ST3GAL3: variants seen among roughly 807,000 people sequenced by gnomAD.
ST3GAL3 encodes CMP-N-acetylneuraminate-beta-1,4-galactoside alpha-2,3-sialyltransferase.
In ST3GAL3, 21 loss-of-function variants were observed where a neutral mutation model predicts 50.1. The ratio of observed to expected loss-of-function variants is 0.42; its 90% CI spans 0.30 to 0.60. ST3GAL3 has a LOEUF of 0.60. ST3GAL3 is among the 20% of genes least tolerant of loss of function. ST3GAL3 has a pLI of 0.19. For missense variants in ST3GAL3, 353 were observed against 489.4 expected (o/e 0.72, Z 2.63); for synonymous variants, 183 against 190.0 (o/e 0.96, Z 0.30).
chr1:43,878,405 T>C (rs1191889977), intron 5 of ST3GAL3, among the ~76,000 whole-genome samples: 1 of 152,220 alleles, frequency 6.6e-6, no homozygotes, highest in South Asian at 2.1e-4. Context: ...AAAGAAAATA[T>C]GGCAAGGTGA....
chr1:43,859,604 A>G (rs2069388964), intron 5 of ST3GAL3, among the ~76,000 whole-genome samples: 1 of 152,056 alleles, frequency 6.6e-6, no homozygotes, highest in Non-Finnish European at 1.5e-5. Context: ...ACAAAATGAC[A>G]CCTTTGGCTT....
chr1:43,816,379 G>T (rs1573504609), intron 4 of ST3GAL3, among the ~76,000 whole-genome samples: 2 of 152,198 alleles, frequency 1.3e-5, no homozygotes, highest in Admixed American at 1.3e-4. Context: ...GAAGGAAAAA[G>T]TGTGTGTTCT....
At chr1:43,715,802 C>G (rs1667101368) in intron 1 of ST3GAL3, among the ~76,000 whole-genome samples, 1 of 152,120 alleles carries the variant, frequency 6.6e-6, no homozygotes, top group Non-Finnish European at 1.5e-5. Flanking sequence ...ATCACAATAA[C>G]CCACAAGCAT....
chr1:43,775,364 G>A (rs1265119633), intron 2 of ST3GAL3, among the ~76,000 whole-genome samples: 1 of 151,766 alleles, frequency 6.6e-6, no homozygotes, highest in Non-Finnish European at 1.5e-5. Flanking sequence ...CTCCAGAATA[G>A]CTGGGATTAC....
Position 43,899,860 on chromosome 1 carries a change from A to C in ST3GAL3, c.744+133A>C. The C allele has an allele frequency of 5.5e-6, 5 of 912,324 alleles. No individual in the cohort carries two copies. The highest frequency in any genetic ancestry group is 7.0e-6 in the Non-Finnish European group (4 of 574,720). The allele number at this position is 912,324 out of a possible 1,614,324, so 56.5% of individuals were successfully genotyped here. ...GAAACATTAATGACCCAAAGCCGAA[A>C]TCACCCAATGGCAACCAGGGGGCAA... On this transcript the variant is annotated intron_variant, in intron 9 of 11. Transcript: ENST00000347631. The surrounding 1 kb of genome is among the most constrained non-coding windows in gnomAD (Gnocchi z 5.4).
chr1:43,859,044 G>A (rs1208072729), intron 5 of ST3GAL3, among the ~76,000 whole-genome samples: 1 of 152,228 alleles, frequency 6.6e-6, no homozygotes. Context: ...TGGGCTGGAA[G>A]AAAACAAATT....
intron 9 of ST3GAL3, among the ~76,000 whole-genome samples, chr1:43,904,893 TCCTCCCC>T: frequency 1.8e-5 from 1 of 55,878 alleles, no homozygotes; most frequent in Non-Finnish European, 3.3e-5. Flanking sequence ...CCGCCACTCT[TCCTCCCC>T]CTCCTCCTGC....
intron 5 of ST3GAL3, among the ~76,000 whole-genome samples, chr1:43,878,080 G>C (rs1172558857): frequency 6.6e-6 from 1 of 152,194 alleles, no homozygotes; most frequent in Admixed American, 6.5e-5. Context: ...GCTCCCTCCA[G>C]ATGCTCTAGG....
At chr1:43,861,159 G>T (rs2069827552) in intron 5 of ST3GAL3, among the ~76,000 whole-genome samples, 1 of 152,232 alleles carries the variant, frequency 6.6e-6, no homozygotes. Flanking sequence ...GCAAACCTGG[G>T]TTAGAATCCC....
Position 43,814,891 on chromosome 1 carries a change from A to G in ST3GAL3, c.167A>G (p.Glu56Gly). Residue 56 changes from glutamate (E) to glycine (G), a missense_variant and splice_region_variant, in exon 4 of 12, where the codon GAG becomes GGG. Physicochemically the swap from Glu to Gly is moderately conservative, Grantham distance 98. Transcript: ENST00000347631. ...FDSAGQTLGS[E>G]YDRLGFLLNL... ...GACATTTTCTGCTTTTCTTTTTCAG[A>G]GTATGATCGGTTGGGCTTCCTCCTG... The G allele has an allele frequency of 6.2e-7, 1 of 1,614,106 alleles. No homozygotes were observed. The highest frequency in any genetic ancestry group is 1.3e-5 in the African/African-American group (1 of 75,030).
At chr1:43,916,935 T>C (rs544425123) in intron 9 of ST3GAL3, 5 of 152,362 alleles carry the variant, frequency 3.3e-5, no homozygotes, top group African/African-American at 1.2e-4. Flanking sequence ...CATAAATGTA[T>C]CATTTAATGA....
intron 9 of ST3GAL3, among the ~76,000 whole-genome samples, chr1:43,916,134 C>T (rs1321702856): frequency 6.6e-6 from 1 of 152,114 alleles, no homozygotes; most frequent in East Asian, 1.9e-4. Context: ...CGTAGGCACT[C>T]ATTAATGCTC....
At position 43,918,119 on chromosome 1, in the gene ST3GAL3, C is replaced by CTCTT. The variant is rs56052310; in HGVS notation, c.745-2284_745-2283insCTTT. ...TAGACATCTAAATTTTTTTCTTTCT[C>CTCTT]TTTTTTTTTTTTTTTAAGAGAGGGT... On this transcript the variant is annotated intron_variant, in intron 9 of 11. Coordinates refer to ENST00000347631, the MANE Select transcript of ST3GAL3 (RefSeq NM_006279.5). 9.7e-5 allele frequency among the ~76,000 whole-genome samples: 13 copies of CTCTT among 133,892 alleles called. 3 individuals carry two copies. Among genetic ancestry groups the CTCTT allele is most frequent in the Non-Finnish European group, 1.4e-4 (9 of 65,152 alleles). The allele number at this position is 133,892 out of a possible 152,430, so 87.8% of individuals were successfully genotyped here.
intron 2 of ST3GAL3, among the ~76,000 whole-genome samples, chr1:43,763,269 TG>T (rs1572368638): frequency 6.6e-6 from 1 of 152,198 alleles, no homozygotes; most frequent in African/African-American, 2.4e-5. Flanking sequence ...TACTGTTAGG[TG>T]TAAAAAAGCA....
rs186503048 is a variant in ST3GAL3, at chr1:43,816,946, C to T, written c.209+2013C>T. On this transcript the variant is annotated intron_variant, in intron 4 of 11. Transcript: ENST00000347631. ...CACAGATACCTGAGAAAGGTTTCCACCTACTTCCAGAGAGAAGTTTCCAAG... is the reference window on the plus strand; with the variant it reads ...CACAGATACCTGAGAAAGGTTTCCATCTACTTCCAGAGAGAAGTTTCCAAG... Among the ~76,000 whole-genome samples, 9 of 152,308 alleles carry T rather than the reference C, an allele frequency of 5.9e-5. No individual in the cohort carries two copies. The East Asian group carries it at 1.7e-3, about 29-fold the overall frequency.
intron 2 of ST3GAL3, among the ~76,000 whole-genome samples, chr1:43,779,916 A>C (rs747929125): frequency 6.6e-6 from 1 of 152,184 alleles, no homozygotes; most frequent in South Asian, 2.1e-4. Flanking sequence ...TAGATTGTCT[A>C]TCAGCTTCAT....
intron 5 of ST3GAL3, 115 bp from the exon 6 acceptor site, chr1:43,894,268 C>G: frequency 9.9e-7 from 1 of 1,013,196 alleles, no homozygotes; most frequent in Non-Finnish European, 1.6e-6. Flanking sequence ...GGGGGTATGC[C>G]GGAATGCAGA....
chr1:43,772,352 A>G (rs1392247966), intron 2 of ST3GAL3: 1 of 252,030 alleles, frequency 4.0e-6, no homozygotes, highest in Non-Finnish European at 7.5e-6. Context: ...CTGGCCAGTG[A>G]TCCTTTTTTT....
chr1:43,804,724 T>G (rs527673552), intron 3 of ST3GAL3, among the ~76,000 whole-genome samples: 20 of 152,174 alleles, frequency 1.3e-4, no homozygotes, highest in Admixed American at 3.9e-4. Flanking sequence ...GGAGGCTCGC[T>G]GTGGGCAGGT....
Sources: gnomAD v4.1 joint callset for allele counts (sites outside exome capture counted in the v4.1 genomes callset) on GRCh38, gnomAD v4.1.1 for gene constraint, Gnocchi (gnomAD v3.1) non-coding constraint, MANE v1.5 for transcripts, NCBI Gene and HGNC (gene_info 2026-07-23, HGNC 2026-07-21) for gene names.